Variants in AWAT1 observed in about 807,000 individuals in gnomAD.
AWAT1 encodes the protein acyl-CoA wax alcohol acyltransferase 1, also known as diacyl-glycerol acyltransferase 2.
A neutral mutation model predicts 21.6 loss-of-function variants in AWAT1; 26 were observed. The observed-to-expected ratio is 1.20, with a 90% CI of 0.88 to 1.67. The LOEUF is 1.67. Among genes scored for constraint, AWAT1 ranks in the 40% most tolerant of loss-of-function variants. The probability of loss-of-function intolerance (pLI) is 0.00; values close to 1 mark genes in which losing one functional copy is unlikely to be tolerated. For synonymous variants in AWAT1, 102 were observed against 99.3 expected (o/e 1.03, Z -0.16); for missense variants, 264 against 249.4 (o/e 1.06, Z -0.39).
At chrX:70,238,682 A>G (rs2085525690) in intron 5 of AWAT1, among the ~76,000 whole-genome samples, 1 of 112,374 alleles carries the variant, frequency 8.9e-6, no homozygotes, top group African/African-American at 3.2e-5. Flanking sequence ...TGCATGGGGC[A>G]GTACAGTATA....
chrX:70,239,512 C>T lies in AWAT1; in HGVS notation c.633-223C>T, dbSNP rs778873600. ...GACGCTCCCCGCCCCCTGGCTATAT[C>T]GTGCCCTTGTAATCCTGGCCCAGAG... is the stretch of plus-strand genomic sequence containing the variant. On this transcript the variant is annotated intron_variant, in intron 5 of 6. Coordinates refer to ENST00000374521, the MANE Select transcript of AWAT1 (RefSeq NM_001013579.3). Among the ~76,000 whole-genome samples the T allele has an allele frequency of 5.4e-5, 6 of 112,028 alleles. No homozygotes were observed. The South Asian group carries it at 1.9e-3, about 35-fold the overall frequency.
intron 1 of AWAT1, 21 bp downstream of exon 1, chrX:70,234,792 G>C: frequency 8.4e-7 from 1 of 1,185,665 alleles, no homozygotes; most frequent in Non-Finnish European, 1.1e-6. Flanking sequence ...ACCCAAGAGT[G>C]CATAGCAAGA....
rs1337000108 is a variant in AWAT1, at chrX:70,237,075, ACAACTAC to A, written c.289_295del (p.Asn97SerfsTer10). The A allele has an allele frequency of 8.3e-7, 1 of 1,207,763 alleles. No individual in the cohort carries two copies. On this transcript the variant is annotated frameshift_variant, in exon 4 of 7. Coordinates refer to ENST00000374521, the MANE Select transcript of AWAT1 (RefSeq NM_001013579.3). LOFTEE classifies it high-confidence loss of function. ...AAGACAAAGGACCTATCACCTGAGC[ACAACTAC>A]CTCATGGGGGTTCACCCCCATGGCC...
intron 4 of AWAT1, among the ~76,000 whole-genome samples, chrX:70,237,491 G>C (rs763475841): frequency 9.1e-6 from 1 of 109,720 alleles, no homozygotes; most frequent in Non-Finnish European, 1.9e-5. Flanking sequence ...AAAATAGTCT[G>C]ACATCAGTTG....
At chrX:70,236,167 G>A (rs748506798) in intron 3 of AWAT1, 28 bp downstream of exon 3, 1 of 1,136,284 alleles carries the variant, frequency 8.8e-7, no homozygotes, top group Non-Finnish European at 1.2e-6. Context: ...AGTGTCCTCA[G>A]AGTTCCCAAA....
chrX:70,239,529 G>T (rs1000746534), intron 5 of AWAT1, among the ~76,000 whole-genome samples: 2 of 111,625 alleles, frequency 1.8e-5, no homozygotes, highest in African/African-American at 6.5e-5. Context: ...TTGTAATCCT[G>T]GCCCAGAGAG....
At position 70,237,083 on chromosome X, in the gene AWAT1, C is replaced by G. The variant is rs1386225175; in HGVS notation, c.295C>G (p.Leu99Val). 3.3e-6 allele frequency: 4 copies of G among 1,206,050 alleles called. No individual in the cohort carries two copies. The highest frequency in any genetic ancestry group is 4.5e-6 in the Non-Finnish European group (4 of 893,172). Residue 99 changes from leucine to valine, a missense_variant, in exon 4 of 7, where the codon CTC becomes GTC. By Grantham distance (32) the Leu-to-Val change is conservative. Coordinates refer to ENST00000374521, the MANE Select transcript of AWAT1 (RefSeq NM_001013579.3). The stretch of plus-strand genomic sequence containing the variant: ...GGACCTATCACCTGAGCACAACTAC[C>G]TCATGGGGGTTCACCCCCATGGCCT... ...TKDLSPEHNY[L>V]MGVHPHGLLT...
In AWAT1 at chrX:70,235,802, G is replaced by A. The variant is rs1226081244; in HGVS notation, c.163G>A (p.Asp55Asn). 4.2e-6 allele frequency: 5 copies of A among 1,204,320 alleles called. No homozygotes were observed. Among genetic ancestry groups the A allele is most frequent in the Non-Finnish European group, 5.6e-6 (5 of 890,658 alleles). Residue 55 changes from aspartate to asparagine, a missense_variant, in exon 2 of 7, where the codon GAC becomes AAC. Physicochemically the swap from Asp to Asn is conservative, Grantham distance 23. Coordinates refer to ENST00000374521, the MANE Select transcript of AWAT1 (RefSeq NM_001013579.3). ...PVLYFAWLFL[D>N]WKTPERGGRR... ...GCTTTACTTTGCCTGGTTGTTCCTG[G>A]ACTGGAAGACCCCAGAGCGAGGTAA... is the stretch of plus-strand genomic sequence containing the variant.
intron 4 of AWAT1, 32 bp downstream of exon 4, chrX:70,237,280 G>A (rs1359627861): frequency 8.7e-7 from 1 of 1,154,370 alleles, no homozygotes; most frequent in Admixed American, 2.3e-5. Context: ...GGAGCTTCTG[G>A]TCCATGTTTC....
At chrX:70,237,996 G>A (rs952469409) in intron 4 of AWAT1, among the ~76,000 whole-genome samples, 1 of 108,912 alleles carries the variant, frequency 9.2e-6, no homozygotes, top group Admixed American at 9.9e-5. Flanking sequence ...CCTTCCTACC[G>A]GTTTTGGCTC....
rs1250324783 is a variant in AWAT1 at position 70,237,090 on chromosome X, G to A, written c.302G>A (p.Gly101Glu). The part of the protein sequence containing the change: ...DLSPEHNYLM[G>E]VHPHGLLTFG... Reference sequence around the variant, plus strand: ...TCACCTGAGCACAACTACCTCATGGGGGTTCACCCCCATGGCCTCCTGACC... The same window carrying A: ...TCACCTGAGCACAACTACCTCATGGAGGTTCACCCCCATGGCCTCCTGACC... Residue 101 changes from glycine to glutamate, a missense_variant, in exon 4 of 7, where the codon GGG becomes GAG. Physicochemically the swap from Gly to Glu is moderately conservative, Grantham distance 98. Coordinates refer to ENST00000374521, the MANE Select transcript of AWAT1 (RefSeq NM_001013579.3). The A allele has an allele frequency of 8.3e-7, 1 of 1,207,829 alleles. No homozygotes were observed. The highest frequency in any genetic ancestry group is 1.1e-6 in the Non-Finnish European group (1 of 893,533).
intron 5 of AWAT1, 53 bp from the exon 6 acceptor site, chrX:70,239,682 G>T: frequency 1.9e-6 from 2 of 1,054,332 alleles, no homozygotes; most frequent in South Asian, 3.7e-5. Context: ...GTTCTTCCAG[G>T]GTGGGTCTCA....
chrX:70,237,659 C>G (rs1324334595), intron 4 of AWAT1, among the ~76,000 whole-genome samples: 26 of 107,641 alleles, frequency 2.4e-4, no homozygotes, highest in African/African-American at 8.8e-4. Context: ...TGGGAAAACC[C>G]CATCTCTACT....
At chrX:70,239,653 G>A in intron 5 of AWAT1, 82 bp from the exon 6 acceptor site, 2 of 870,219 alleles carry the variant, frequency 2.3e-6, no homozygotes, top group Non-Finnish European at 3.4e-6. Context: ...ATAGATGAGG[G>A]CCTGGCAAGC....
In AWAT1 at chrX:70,237,426, G is replaced by C. The variant is rs2085518939; in HGVS notation, c.460+178G>C. On this transcript the variant is annotated intron_variant, in intron 4 of 6. Coordinates refer to ENST00000374521, the MANE Select transcript of AWAT1 (RefSeq NM_001013579.3). ...TTGAACCCTCCTAGCTCTACCACTT[G>C]TGTGGTCTTGAGCAAACTAGCCTCA... 37 of 452,108 alleles carry C rather than the reference G, an allele frequency of 8.2e-5. No homozygotes were observed. In the South Asian group the frequency reaches 1.3e-3, roughly 15 times the overall value. 37.3% of individuals were successfully genotyped at this position (452,108 alleles called of 1,213,427 possible).
chrX:70,238,388 G>C lies in AWAT1; in HGVS notation c.632+5G>C, dbSNP rs749253099. On this transcript the variant is annotated splice_donor_5th_base_variant and intron_variant, in intron 5 of 6. Transcript: ENST00000374521. ...GCGCACAGCCCTCCAGCATGGGTAG[G>C]TGTTCCCCACAGAGGGGCAGTGCAT... 8.5e-7 allele frequency: 1 copy of C among 1,181,439 alleles called. No individual in the cohort carries two copies.
chrX:70,236,823 C>A (rs1040999703), intron 3 of AWAT1, among the ~76,000 whole-genome samples: 1 of 111,981 alleles, frequency 8.9e-6, no homozygotes, highest in African/African-American at 3.2e-5. Flanking sequence ...GAGGCTACTT[C>A]TAGCCACAGG....
chrX:70,235,246 T>A (rs1310197736), intron 1 of AWAT1, among the ~76,000 whole-genome samples: 1 of 110,533 alleles, frequency 9.0e-6, no homozygotes, highest in Non-Finnish European at 1.9e-5. Context: ...GAATGGTGAA[T>A]GGGCAAGAGG....
chrX:70,235,550 T>C (rs983012214), intron 1 of AWAT1, among the ~76,000 whole-genome samples, 166 bp from the exon 2 acceptor site: 2 of 110,278 alleles, frequency 1.8e-5, no homozygotes, highest in African/African-American at 3.3e-5. Context: ...TGGTAAATGA[T>C]AGAGGAAAAG....
Sources: allele counts gnomAD v4.1 joint callset (sites outside exome capture counted in the v4.1 genomes callset), GRCh38; gene constraint gnomAD v4.1.1; transcripts MANE v1.5; gene names NCBI Gene and HGNC (gene_info 2026-07-23, HGNC 2026-07-21).